SLC24A1: variants seen among roughly 807,000 people sequenced by gnomAD.
The protein encoded by SLC24A1 is sodium/potassium/calcium exchanger 1.
In SLC24A1, 52 loss-of-function variants were observed where a neutral mutation model predicts 88.1. The observed-to-expected ratio is 0.59, with a 90% CI of 0.47 to 0.74. SLC24A1 has a LOEUF of 0.74. Ranked by LOEUF, SLC24A1 falls within the 30% of genes least tolerant of loss-of-function variation. The pLI, the probability that SLC24A1 is intolerant of heterozygous loss-of-function variation, is 0.00. For missense variants in SLC24A1, 1,173 were observed against 1,363.3 expected (o/e 0.86, Z 2.20); for synonymous variants, 455 against 498.0 (o/e 0.91, Z 1.15).
chr15:65,641,004 T>C (rs1381873991), intron 4 of SLC24A1, among the ~76,000 whole-genome samples: 6 of 152,000 alleles, frequency 3.9e-5, no homozygotes, highest in Admixed American at 3.9e-4. Flanking sequence ...GAGGTTGTAG[T>C]GAGCCGAGAT....
intron 2 of SLC24A1, among the ~76,000 whole-genome samples, chr15:65,629,142 C>A (rs1456033768): frequency 6.6e-6 from 1 of 152,190 alleles, no homozygotes; most frequent in African/African-American, 2.4e-5. Flanking sequence ...TCCTGAGCAA[C>A]TTGGAAACAT....
At chr15:65,644,622 TCTTTGGC>T in intron 5 of SLC24A1, 109 bp downstream of exon 5, 1 of 716,328 alleles carries the variant, frequency 1.4e-6, no homozygotes, top group Non-Finnish European at 2.4e-6. Flanking sequence ...CTGAGGCACA[TCTTTGGC>T]CTCTGTGAGC....
intron 3 of SLC24A1, 21 bp from the exon 4 acceptor site, chr15:65,639,574 T>A (rs768801951): frequency 7.2e-7 from 1 of 1,398,180 alleles, no homozygotes; most frequent in Non-Finnish European, 9.8e-7. Flanking sequence ...GGGCCCACTG[T>A]GCGGCTCTCC....
chr15:65,617,947 T>A (rs2074201983), upstream of SLC24A1, among the ~76,000 whole-genome samples: 1 of 152,142 alleles, frequency 6.6e-6, no homozygotes, highest in South Asian at 2.1e-4. Context: ...TCTCAAGCAA[T>A]CCTCCCTTCT....
rs1230135397 is a variant in SLC24A1, at chr15:65,651,700, C to T, written c.2824C>T (p.Leu942=). The T allele has an allele frequency of 5.0e-6, 8 of 1,610,062 alleles. No homozygotes were observed. In the South Asian group the frequency reaches 8.8e-5, roughly 18 times the overall value. ...TAGGAAGTTTTTTGTTTTCACCTTC[C>T]TGGGATCTATCATGTGGATAGCCAT... ...ESRKFFVFTF[L]GSIMWIAMFS... The change falls in exon 8 of 10, where the codon CTG becomes TTG. Residue 942 remains leucine (L), a synonymous_variant. Coordinates refer to ENST00000261892, the MANE Select transcript of SLC24A1 (RefSeq NM_004727.3).
At chr15:65,639,914 A>G (rs1398949929) in intron 4 of SLC24A1, among the ~76,000 whole-genome samples, 1 of 152,220 alleles carries the variant, frequency 6.6e-6, no homozygotes, top group Non-Finnish European at 1.5e-5. Flanking sequence ...AACAAAGAAC[A>G]TGGAGGCTAA....
In SLC24A1 at chr15:65,638,123, T is replaced by C. The variant is rs2075001432; in HGVS notation, c.1891-5T>C. On this transcript the variant is annotated splice_polypyrimidine_tract_variant and splice_region_variant and intron_variant, in intron 2 of 9. Transcript: ENST00000261892. ...ACATCTCGTGACTCCTCTCCCTGTT[T>C]GCAGCCGGGCGATGGGGCCATTGCG... 6.2e-7 allele frequency: 1 copy of C among 1,607,520 alleles called. No individual in the cohort carries two copies. The highest frequency in any genetic ancestry group is 1.1e-5 in the South Asian group (1 of 89,586).
downstream of SLC24A1, chr15:65,660,306 T>C: frequency 6.5e-7 from 1 of 1,535,312 alleles, no homozygotes; most frequent in Non-Finnish European, 8.7e-7. Flanking sequence ...TGTTTCAGCA[T>C]GGTGCTATTC....
rs2141725942 is a variant in SLC24A1 at position 65,652,628 on chromosome 15, T to C, written c.2884-14T>C. On this transcript the variant is annotated splice_polypyrimidine_tract_variant and intron_variant, in intron 8 of 9. Coordinates refer to ENST00000261892, the MANE Select transcript of SLC24A1 (RefSeq NM_004727.3). Reference sequence around the variant, plus strand: ...CAGGTTTTTCACCTACTGTTGACCGTTGCCGTTTACCAGGTTGGTGAAACA... The same window carrying C: ...CAGGTTTTTCACCTACTGTTGACCGCTGCCGTTTACCAGGTTGGTGAAACA... 2.5e-6 allele frequency: 4 copies of C among 1,613,280 alleles called. No homozygotes were observed. The highest frequency in any genetic ancestry group is 3.4e-6 in the Non-Finnish European group (4 of 1,179,490).
In SLC24A1 at chr15:65,652,847, G is replaced by A. The variant is rs777589297; in HGVS notation, c.3050+39G>A. The A allele has an allele frequency of 3.3e-6, 5 of 1,522,730 alleles. No homozygotes were observed. The South Asian group carries it at 6.3e-5, about 19-fold the overall frequency. The allele number at this position is 1,522,730 out of a possible 1,614,324, so 94.3% of individuals were successfully genotyped here. A position where few individuals can be genotyped will look rare whatever the true frequency, so the allele number is the denominator to read the frequency against. On this transcript the variant is annotated intron_variant, in intron 9 of 9. Transcript: ENST00000261892. ...TAACTTTCTAAGGGGTGTTAAGTAT[G>A]ACTGGAAAACACTGCATTGGCTCTG...
At chr15:65,635,703 C>T (rs1458251597) in intron 2 of SLC24A1, among the ~76,000 whole-genome samples, 1 of 152,172 alleles carries the variant, frequency 6.6e-6, no homozygotes, top group African/African-American at 2.4e-5. Flanking sequence ...CAATGTGTAT[C>T]CAAGCATTCA....
Position 65,652,721 on chromosome 15 carries a change from T to C in SLC24A1, c.2963T>C (p.Ile988Thr). 1 of 1,613,910 alleles carries C rather than the reference T, an allele frequency of 6.2e-7. No individual in the cohort carries two copies. The highest frequency in any genetic ancestry group is 8.5e-7 in the Non-Finnish European group (1 of 1,179,840). The change falls in exon 9 of 10, where the codon ATC (isoleucine) becomes ACC (threonine). Residue 988 changes from isoleucine (I) to threonine (T), a missense_variant. Ile to Thr is a moderately conservative substitution (Grantham distance 89, BLOSUM62 -1). Transcript: ENST00000261892. ...GCAGGCACATCAATTCCTGACCTCATCACCAGTGTGATTGTCGCTCGAAAA... is the reference window on the plus strand; with the variant it reads ...GCAGGCACATCAATTCCTGACCTCACCACCAGTGTGATTGTCGCTCGAAAA... ...LAAGTSIPDL[I>T]TSVIVARKGL...
At position 65,631,819 on chromosome 15, in the gene SLC24A1, C is replaced by T. The variant is rs1044837391; in HGVS notation, c.1890+5849C>T. ...CATGCAGGGCCCTGTGCATCAGATA[C>T]AGAGTTTGGATTTTATTTTATTTTT... On this transcript the variant is annotated intron_variant, in intron 2 of 9. Transcript: ENST00000261892. Among the ~76,000 whole-genome samples the T allele has an allele frequency of 2.6e-5, 4 of 151,984 alleles. No individual in the cohort carries two copies. In the South Asian group the frequency reaches 8.3e-4, roughly 32 times the overall value.
Position 65,655,595 on chromosome 15 carries a change from C to A in SLC24A1, c.*1516C>A. On this transcript the variant is annotated 3_prime_UTR_variant, in exon 10 of 10. Transcript: ENST00000261892. Reference sequence around the variant, plus strand: ...CAGCTTAATATCACTGGCTTCAGAGCAAAATGAGCTCGGGTGACTGCAGAT... The same window carrying A: ...CAGCTTAATATCACTGGCTTCAGAGAAAAATGAGCTCGGGTGACTGCAGAT... 1.0e-6 allele frequency: 1 copy of A among 985,204 alleles called. No homozygotes were observed. The highest frequency in any genetic ancestry group is 1.2e-6 in the Non-Finnish European group (1 of 829,832). The allele number at this position is 985,204 out of a possible 1,614,324, so 61.0% of individuals were successfully genotyped here.
chr15:65,650,934 C>T lies in SLC24A1; in HGVS notation c.2785C>T (p.Arg929Ter), dbSNP rs763074752. Residue 929 changes from arginine (R) to a stop codon, truncating the protein, a stop_gained, in exon 7 of 10, where the codon CGA becomes TGA. Coordinates refer to ENST00000261892, the MANE Select transcript of SLC24A1 (RefSeq NM_004727.3). LOFTEE classifies it high-confidence loss of function. This position sits in a 1 kb window ranked among gnomAD's most constrained non-coding sequence, Gnocchi z 4.1. Reference protein sequence around the residue: ...FPLWLTVPDVRRQESRKFFVF... With the variant: ...FPLWLTVPDV ...ACTGTGGCTGACAGTCCCCGACGTC[C>T]GAAGGCAGGTGAGTGTGCCCATCTG... 6.2e-6 allele frequency: 10 copies of T among 1,613,802 alleles called. No individual in the cohort carries two copies. The highest frequency in any genetic ancestry group is 5.5e-5 in the South Asian group (5 of 91,058).
chr15:65,615,894 A>G (rs1228505530), intron 2 of SLC24A1, among the ~76,000 whole-genome samples: 1 of 13,664 alleles, frequency 7.3e-5, no homozygotes, highest in Non-Finnish European at 1.5e-4. Context: ...CCACCCCCCA[A>G]CAGGCCCCAG....
intron 6 of SLC24A1, among the ~76,000 whole-genome samples, chr15:65,649,454 C>A (rs1453304775): frequency 6.6e-6 from 1 of 152,178 alleles, no homozygotes; most frequent in Non-Finnish European, 1.5e-5. Context: ...AGCCAGACAT[C>A]TCATTTGGCC....
At chr15:65,649,665 A>G (rs1312778606) in intron 6 of SLC24A1, among the ~76,000 whole-genome samples, 1 of 148,564 alleles carries the variant, frequency 6.7e-6, no homozygotes, top group African/African-American at 2.6e-5. Flanking sequence ...AGTGCTAGCT[A>G]TTATTATTAA....
At chr15:65,647,162 T>A (rs1487802000) in intron 6 of SLC24A1, among the ~76,000 whole-genome samples, 3 of 152,172 alleles carry the variant, frequency 2.0e-5, no homozygotes, top group African/African-American at 7.2e-5. Context: ...GGAGAATCAG[T>A]GACTGGTTTC....
Sources: gnomAD v4.1 joint callset for allele counts (sites outside exome capture counted in the v4.1 genomes callset) on GRCh38, gnomAD v4.1.1 for gene constraint, Gnocchi (gnomAD v3.1) non-coding constraint, MANE v1.5 for transcripts, NCBI Gene and HGNC (gene_info 2026-07-23, HGNC 2026-07-21) for gene names.